The following CNTNAP2 variants were observed in gnomAD, a reference collection of about 807,000 sequenced individuals.
CNTNAP2 encodes contactin associated protein 2.
A neutral mutation model predicts 155.2 loss-of-function variants in CNTNAP2; 98 were observed. The ratio of observed to expected loss-of-function variants is 0.63; its 90% CI spans 0.54 to 0.75. The LOEUF (loss-of-function observed/expected upper bound fraction) is 0.75. CNTNAP2 is among the 30% of genes least tolerant of loss of function. CNTNAP2 has a pLI of 0.00. For missense variants in CNTNAP2, 1,727 were observed against 1,688.1 expected, an observed-to-expected ratio of 1.02 and a Z score of -0.40; for synonymous variants, 651 against 631.2, an observed-to-expected ratio of 1.03 and a Z score of -0.47.
At chr7:147,600,511 T>C (rs1209664729) in intron 12 of CNTNAP2, among the ~76,000 whole-genome samples, 1 of 152,214 alleles carries the variant, frequency 6.6e-6, no homozygotes, top group Non-Finnish European at 1.5e-5. Context: ...TTTTCATGTA[T>C]TGTGAAATAT....
intron 2 of CNTNAP2, among the ~76,000 whole-genome samples, chr7:146,817,837 C>T (rs1053340347): frequency 6.6e-5 from 10 of 151,736 alleles, no homozygotes; most frequent in African/African-American, 1.5e-4. Flanking sequence ...GATTACAAGT[C>T]GACATGAGAT....
chr7:146,368,958 T>G (rs1795193132), intron 1 of CNTNAP2, among the ~76,000 whole-genome samples: 1 of 148,858 alleles, frequency 6.7e-6, no homozygotes, highest in East Asian at 2.0e-4. Flanking sequence ...AAGCTTGAAA[T>G]TAAACATAGT....
chr7:146,878,098 A>G (rs1795465311), intron 3 of CNTNAP2, among the ~76,000 whole-genome samples: 1 of 152,112 alleles, frequency 6.6e-6, no homozygotes, highest in South Asian at 2.1e-4. Flanking sequence ...AACGTCCCCT[A>G]ATTATGATAG....
intron 15 of CNTNAP2, among the ~76,000 whole-genome samples, chr7:148,050,902 C>T (rs189069508): frequency 2.4e-4 from 37 of 152,244 alleles, no homozygotes; most frequent in African/African-American, 7.7e-4. Flanking sequence ...CTGGGAGCAA[C>T]GGGCCATAGC....
chr7:148,403,026 TAAA>T (rs771767920), intron 22 of CNTNAP2, among the ~76,000 whole-genome samples: 1 of 66,906 alleles, frequency 1.5e-5, no homozygotes. Flanking sequence ...CTTCTGTAGT[TAAA>T]AAAAAAAAAA....
chr7:146,933,502 C>A (rs1216071856), intron 3 of CNTNAP2, among the ~76,000 whole-genome samples: 1 of 151,030 alleles, frequency 6.6e-6, no homozygotes, highest in Admixed American at 6.6e-5. Flanking sequence ...AAAACCTAGG[C>A]ATTACCATTC....
chr7:147,940,133 C>T (rs1033838864), intron 14 of CNTNAP2: 33 of 151,806 alleles, frequency 2.2e-4, no homozygotes, highest in African/African-American at 6.3e-4. Flanking sequence ...AGTTTGGCGT[C>T]AATATGGTTA....
intron 10 of CNTNAP2, among the ~76,000 whole-genome samples, 196 bp from the exon 11 acceptor site, chr7:147,485,739 G>C (rs1028879925): frequency 6.6e-6 from 1 of 152,110 alleles, no homozygotes; most frequent in African/African-American, 2.4e-5. Context: ...GCTCCAGGTC[G>C]GTGATACATC....
chr7:147,446,343 G>A (rs1006853756), intron 10 of CNTNAP2, among the ~76,000 whole-genome samples: 6 of 151,948 alleles, frequency 3.9e-5, no homozygotes, highest in African/African-American at 7.3e-5. Context: ...GAAATGAATC[G>A]AAATGAAATA....
intron 3 of CNTNAP2, among the ~76,000 whole-genome samples, chr7:146,859,954 G>C (rs139422172): frequency 2.6e-5 from 4 of 152,124 alleles, no homozygotes; most frequent in African/African-American, 7.2e-5. Context: ...AACCTAGAGT[G>C]GGGGAGGAAG....
At chr7:146,977,703 A>G (rs1353857176) in intron 3 of CNTNAP2, among the ~76,000 whole-genome samples, 1 of 152,204 alleles carries the variant, frequency 6.6e-6, no homozygotes, top group Admixed American at 6.6e-5. Context: ...CTTAGATACT[A>G]TATTTTATAA....
At chr7:147,691,206 A>G (rs997936800) in intron 13 of CNTNAP2, among the ~76,000 whole-genome samples, 1 of 152,062 alleles carries the variant, frequency 6.6e-6, no homozygotes, top group African/African-American at 2.4e-5. Context: ...CTGAAAAAAG[A>G]TTTTCTCAAT....
At chr7:148,332,905 T>C (rs1450090739) in intron 21 of CNTNAP2, among the ~76,000 whole-genome samples, 1 of 152,194 alleles carries the variant, frequency 6.6e-6, no homozygotes, top group Admixed American at 6.5e-5. Flanking sequence ...AAGTATAAAA[T>C]AGGATCACAG....
At chr7:146,894,580 A>G (rs1213402646) in intron 3 of CNTNAP2, among the ~76,000 whole-genome samples, 1 of 152,146 alleles carries the variant, frequency 6.6e-6, no homozygotes, top group Non-Finnish European at 1.5e-5. Context: ...AAATAATTCA[A>G]TTTAAAGTGA....
intron 9 of CNTNAP2, among the ~76,000 whole-genome samples, chr7:147,365,875 C>G (rs759103074): frequency 1.3e-5 from 2 of 152,166 alleles, no homozygotes; most frequent in African/African-American, 2.4e-5. Context: ...TCTGGAAATA[C>G]ATTATAATCT....
At chr7:146,715,259 G>A (rs1467212166) in intron 1 of CNTNAP2, among the ~76,000 whole-genome samples, 1 of 152,138 alleles carries the variant, frequency 6.6e-6, no homozygotes, top group African/African-American at 2.4e-5. Context: ...TTGAACCCAG[G>A]AGGGGGACAT....
At chr7:146,125,393 G>A (rs1244312073) in intron 1 of CNTNAP2, among the ~76,000 whole-genome samples, 1 of 151,714 alleles carries the variant, frequency 6.6e-6, no homozygotes, top group Non-Finnish European at 1.5e-5. Flanking sequence ...TGGCTAACAC[G>A]GTGAAACCCC....
chr7:146,961,683 A>T (rs910289200), intron 3 of CNTNAP2, among the ~76,000 whole-genome samples: 1 of 152,146 alleles, frequency 6.6e-6, no homozygotes, highest in Non-Finnish European at 1.5e-5. Flanking sequence ...CAGGCGGCTG[A>T]TATTGTTGAG....
chr7:147,338,112 A>C (rs549622679), intron 9 of CNTNAP2, among the ~76,000 whole-genome samples: 3 of 152,154 alleles, frequency 2.0e-5, no homozygotes, highest in Non-Finnish European at 4.4e-5. Context: ...ATTGACTCAC[A>C]GTTCTGCATG....
Sources: gnomAD v4.1 joint callset for allele counts (sites outside exome capture counted in the v4.1 genomes callset) on GRCh38, gnomAD v4.1.1 for gene constraint, MANE v1.5 for transcripts, NCBI Gene and HGNC (gene_info 2026-07-23, HGNC 2026-07-21) for gene names.